RIT2: variants seen among roughly 807,000 people sequenced by gnomAD.
RIT2 encodes the protein Ras like without CAAX 2, also known as GTP-binding protein Rit2.
In RIT2, 24 loss-of-function variants were observed where a neutral mutation model predicts 23.7. That is an observed-to-expected ratio of 1.01 (90% CI 0.73 to 1.43). RIT2 has a LOEUF of 1.43. Among genes scored for constraint, RIT2 ranks in the 40% most tolerant of loss-of-function variants. RIT2 has a pLI of 0.00. For synonymous variants in RIT2, 107 were observed against 91.1 expected (o/e 1.17, Z -0.99); for missense variants, 236 against 266.9 (o/e 0.88, Z 0.81).
At chr18:42,982,403 C>T (rs920402174) in intron 2 of RIT2, among the ~76,000 whole-genome samples, 4 of 152,156 alleles carry the variant, frequency 2.6e-5, no homozygotes, top group African/African-American at 9.7e-5. Context: ...GTGATCTCTG[C>T]AAACACTCCC....
chr18:42,812,274 T>C (rs545778887), intron 4 of RIT2, among the ~76,000 whole-genome samples: 2 of 152,274 alleles, frequency 1.3e-5, no homozygotes, highest in South Asian at 2.1e-4. Flanking sequence ...TTTTCCTGCG[T>C]TGAACATCAC....
At chr18:43,011,181 A>G (rs542609186) in intron 2 of RIT2, among the ~76,000 whole-genome samples, 20 of 151,934 alleles carry the variant, frequency 1.3e-4, no homozygotes, top group Non-Finnish European at 2.9e-4. Flanking sequence ...GGACAAAAGC[A>G]CGAGAATCCA....
chr18:42,756,701 A>G (rs560806671), intron 4 of RIT2, among the ~76,000 whole-genome samples: 31 of 152,314 alleles, frequency 2.0e-4, no homozygotes, highest in African/African-American at 6.5e-4. Flanking sequence ...ATATCTTCAC[A>G]TATTTGCACT....
chr18:42,756,885 G>C (rs890011005), intron 4 of RIT2, among the ~76,000 whole-genome samples: 3 of 16,240 alleles, frequency 1.8e-4, no homozygotes, highest in Non-Finnish European at 4.6e-4. Context: ...TTTATATTAG[G>C]TAAAAATAGA....
chr18:42,992,398 A>G (rs1372696253), intron 2 of RIT2, among the ~76,000 whole-genome samples: 2 of 152,028 alleles, frequency 1.3e-5, no homozygotes, highest in Non-Finnish European at 1.5e-5. Context: ...TCTTTTACAC[A>G]TCGGTCCCTC....
At chr18:43,019,493 T>C (rs1243421887) in intron 2 of RIT2, among the ~76,000 whole-genome samples, 1 of 151,412 alleles carries the variant, frequency 6.6e-6, no homozygotes, top group Non-Finnish European at 1.5e-5. Context: ...TATCCCTTCA[T>C]GACAAAAAAA....
chr18:42,947,092 T>C (rs993220582), intron 3 of RIT2, among the ~76,000 whole-genome samples: 2 of 152,068 alleles, frequency 1.3e-5, no homozygotes, highest in South Asian at 2.1e-4. Flanking sequence ...AACTAAGCAA[T>C]TGGGAAATGA....
chr18:42,756,690 G>A (rs974807893), intron 4 of RIT2, among the ~76,000 whole-genome samples: 13 of 151,998 alleles, frequency 8.6e-5, no homozygotes, highest in Admixed American at 2.0e-4. Context: ...CATGCCTAAG[G>A]ATATCTTCAC....
intron 4 of RIT2, among the ~76,000 whole-genome samples, chr18:42,782,689 G>A (rs1406259077): frequency 1.3e-5 from 2 of 152,130 alleles, no homozygotes; most frequent in Non-Finnish European, 2.9e-5. Context: ...TGTTCATAAG[G>A]AGAATCATAG....
intron 2 of RIT2, among the ~76,000 whole-genome samples, chr18:42,975,472 G>C (rs1345713189): frequency 4.6e-5 from 7 of 152,052 alleles, no homozygotes; most frequent in Non-Finnish European, 1.0e-4. Flanking sequence ...CCATGGCTGA[G>C]AGTGTGGGAT....
chr18:43,110,254 C>A (rs1913922455), intron 1 of RIT2, among the ~76,000 whole-genome samples: 2 of 148,790 alleles, frequency 1.3e-5, no homozygotes, highest in Non-Finnish European at 3.0e-5. Context: ...TATATATATA[C>A]CCACTATGTA....
At chr18:43,058,348 C>A (rs1266573746) in intron 1 of RIT2, among the ~76,000 whole-genome samples, 1 of 152,106 alleles carries the variant, frequency 6.6e-6, no homozygotes, top group African/African-American at 2.4e-5. Context: ...ACATTATCTG[C>A]TACTCAAGGA....
intron 4 of RIT2, among the ~76,000 whole-genome samples, chr18:42,843,604 A>T (rs1049102532): frequency 6.6e-6 from 1 of 152,236 alleles, no homozygotes. Flanking sequence ...TCAAAGCATA[A>T]GTCTGTTCAT....
At chr18:42,915,151 TACAC>T (rs71918963) in intron 4 of RIT2, among the ~76,000 whole-genome samples, 92,103 of 145,768 alleles carry the variant, frequency 0.63, 30,543 homozygotes, top group Non-Finnish European at 0.75. Flanking sequence ...CATATAATTA[TACAC>T]ACACACACAC....
intron 3 of RIT2, among the ~76,000 whole-genome samples, chr18:42,973,829 T>A (rs1324970507): frequency 2.6e-5 from 4 of 151,262 alleles, no homozygotes; most frequent in Non-Finnish European, 5.9e-5. Flanking sequence ...AAAGTATTTT[T>A]AAATTTTATA....
At chr18:42,861,033 G>A (rs1294569895) in intron 4 of RIT2, among the ~76,000 whole-genome samples, 1 of 152,160 alleles carries the variant, frequency 6.6e-6, no homozygotes, top group African/African-American at 2.4e-5. Context: ...ACAAGATGCA[G>A]CTTCTTTACT....
intron 2 of RIT2, among the ~76,000 whole-genome samples, chr18:43,021,699 T>G (rs951859553): frequency 6.6e-6 from 1 of 152,090 alleles, no homozygotes; most frequent in Non-Finnish European, 1.5e-5. Flanking sequence ...AAACGTGCCT[T>G]CTTCCCCTTT....
intron 4 of RIT2, among the ~76,000 whole-genome samples, chr18:42,877,294 T>C (rs1907767960): frequency 6.6e-6 from 1 of 151,792 alleles, no homozygotes; most frequent in Admixed American, 6.6e-5. Flanking sequence ...ATTTTTGACC[T>C]GAGAGAGATC....
intron 2 of RIT2, among the ~76,000 whole-genome samples, chr18:43,007,410 T>G (rs898520196): frequency 6.6e-6 from 1 of 151,718 alleles, no homozygotes; most frequent in Non-Finnish European, 1.5e-5. Flanking sequence ...ACTTGAGAAG[T>G]AATGAGCACC....
Sources: allele counts gnomAD v4.1 joint callset (sites outside exome capture counted in the v4.1 genomes callset), GRCh38; gene constraint gnomAD v4.1.1; transcripts MANE v1.5; gene names NCBI Gene and HGNC (gene_info 2026-07-23, HGNC 2026-07-21).